The following ARHGAP39 variants were observed in gnomAD, a reference collection of about 807,000 sequenced individuals.
ARHGAP39 encodes the protein Rho GTPase activating protein 39, also known as rho GTPase-activating protein 39.
Under a neutral mutation model 106.9 loss-of-function variants are expected in ARHGAP39, and 44 were observed. That is an observed-to-expected ratio of 0.41 (90% CI 0.32 to 0.53). The LOEUF (loss-of-function observed/expected upper bound fraction) is 0.53. Ranked by LOEUF, ARHGAP39 falls within the 20% of genes least tolerant of loss-of-function variation. ARHGAP39 has a pLI of 0.21. For missense variants in ARHGAP39, 1,496 were observed against 1,577.3 expected (o/e 0.95, Z 0.87); for synonymous variants, 768 against 693.2 (o/e 1.11, Z -1.69).
rs887565185 is a variant in ARHGAP39, at chr8:144,647,171, G to A, written c.-82+38515C>T. Among the ~76,000 whole-genome samples, 1 of 152,042 alleles carries A rather than the reference G, an allele frequency of 6.6e-6. No individual in the cohort carries two copies. On this transcript the variant is annotated intron_variant, in intron 1 of 11. Transcript: ENST00000377307. The surrounding 1 kb of genome is among the most constrained non-coding windows in gnomAD (Gnocchi z 4.8). ...TTTCGTAGAGACGGGGTTTCACCAT[G>A]TTAGCCAGGATGGTCTTGATCTCTT...
At chr8:144,659,788 T>C (rs974665535) in intron 1 of ARHGAP39, among the ~76,000 whole-genome samples, 1 of 152,178 alleles carries the variant, frequency 6.6e-6, no homozygotes, top group Non-Finnish European at 1.5e-5. Flanking sequence ...TCTCTGGCTG[T>C]CTTGAGGGGT....
intron 1 of ARHGAP39, among the ~76,000 whole-genome samples, chr8:144,642,349 T>C (rs1821333124): frequency 6.6e-6 from 1 of 152,050 alleles, no homozygotes; most frequent in East Asian, 1.9e-4. Flanking sequence ...TAGCCAGGCA[T>C]GGTGGCGGGC....
chr8:144,695,620 G>A, the ARHGAP39 span, among the ~76,000 whole-genome samples: 3,818 of 152,230 alleles, frequency 0.025, 436 homozygotes, highest in East Asian at 0.36. Context: ...AAGTTCTCTC[G>A]GCCTTGAAGA....
At chr8:144,550,766 G>A (rs1161104680) in intron 4 of ARHGAP39, among the ~76,000 whole-genome samples, 1 of 152,362 alleles carries the variant, frequency 6.6e-6, no homozygotes, top group Middle Eastern at 3.4e-3. Context: ...CAGGCAGAGT[G>A]GATGGTGGCA....
At chr8:144,605,449 C>A in intron 2 of ARHGAP39, 86 bp downstream of exon 2, 1 of 1,390,268 alleles carries the variant, frequency 7.2e-7, no homozygotes, top group Non-Finnish European at 1.0e-6. Context: ...GAGAATCCTG[C>A]ATGCACACTG....
At chr8:144,589,758 C>T (rs1819321291) in intron 2 of ARHGAP39, among the ~76,000 whole-genome samples, 1 of 152,236 alleles carries the variant, frequency 6.6e-6, no homozygotes, top group African/African-American at 2.4e-5. Context: ...GCTCGGAGGC[C>T]TCCCACGACT....
chr8:144,699,677 G>A, the ARHGAP39 span, among the ~76,000 whole-genome samples: 1 of 151,300 alleles, frequency 6.6e-6, no homozygotes, highest in East Asian at 2.0e-4. Flanking sequence ...GACAGTCTGC[G>A]GACCATGCGG....
chr8:144,543,242 G>A (rs1245728730), intron 6 of ARHGAP39, among the ~76,000 whole-genome samples: 1 of 152,146 alleles, frequency 6.6e-6, no homozygotes, highest in Non-Finnish European at 1.5e-5. Flanking sequence ...CAGAGTGCTG[G>A]GATTCCAGGT....
intron 3 of ARHGAP39, among the ~76,000 whole-genome samples, chr8:144,574,523 A>G (rs1205917105): frequency 6.6e-6 from 1 of 152,010 alleles, no homozygotes; most frequent in African/African-American, 2.4e-5. Flanking sequence ...ACAAAAACAA[A>G]ATTAGCTGGG....
intron 1 of ARHGAP39, among the ~76,000 whole-genome samples, chr8:144,666,142 T>C (rs764175438): frequency 6.6e-6 from 1 of 152,208 alleles, no homozygotes; most frequent in African/African-American, 2.4e-5. Context: ...GATTTTGAAC[T>C]TGCAAGGGGC....
intron 1 of ARHGAP39, among the ~76,000 whole-genome samples, chr8:144,665,113 A>G (rs182281145): frequency 6.6e-6 from 1 of 152,364 alleles, no homozygotes; most frequent in East Asian, 1.9e-4. Context: ...GAACTGGAGC[A>G]AAGATGACTC....
intron 3 of ARHGAP39, among the ~76,000 whole-genome samples, chr8:144,560,993 T>C (rs139057562): frequency 8.5e-5 from 13 of 152,384 alleles, no homozygotes; most frequent in Admixed American, 3.9e-4. Flanking sequence ...ATTAATTACA[T>C]TGTGTTGATT....
intron 1 of ARHGAP39, among the ~76,000 whole-genome samples, chr8:144,618,888 G>A (rs1820709854): frequency 6.6e-6 from 1 of 152,242 alleles, no homozygotes; most frequent in Non-Finnish European, 1.5e-5. Context: ...GCACAGTTGC[G>A]CACTGGTGAC....
rs766369631 is a variant in ARHGAP39 at position 144,532,311 on chromosome 8, C to T, written c.2974G>A (p.Val992Ile). The T allele has an allele frequency of 2.5e-5, 41 of 1,612,608 alleles. No homozygotes were observed. Among genetic ancestry groups the T allele is most frequent in the African/African-American group, 4.0e-5 (3 of 74,856 alleles). ...GCGTGTGTGGGGGACTCACCAGGGACGTGGGGGTCTTCCAGGCCTGTGGGC... is the reference window on the plus strand; with the variant it reads ...GCGTGTGTGGGGGACTCACCAGGGATGTGGGGGTCTTCCAGGCCTGTGGGC... ...KVPTGLEDPH[V>I]PASLLKLWYR... Residue 992 changes from valine to isoleucine, a missense_variant, in exon 10 of 12, where the codon GTC (valine) becomes ATC (isoleucine). By Grantham distance (29) the Val-to-Ile change is conservative. This residue lies in a region of ARHGAP39 where 470 missense variants were observed against 605.1 expected (regional missense o/e 0.78). Coordinates refer to ENST00000377307, the MANE Select transcript of ARHGAP39 (RefSeq NM_025251.3).
chr8:144,620,878 A>C (rs1031671697), intron 1 of ARHGAP39, among the ~76,000 whole-genome samples: 19 of 152,360 alleles, frequency 1.2e-4, no homozygotes, highest in African/African-American at 4.3e-4. Flanking sequence ...CAAGCTCCTG[A>C]GGTGGCCACT....
intron 2 of ARHGAP39, among the ~76,000 whole-genome samples, chr8:144,603,007 G>A (rs1410674766): frequency 1.4e-5 from 2 of 143,228 alleles, no homozygotes; most frequent in Non-Finnish European, 3.0e-5. Flanking sequence ...GTGGAGGTGT[G>A]TGTGCGAGCT....
chr8:144,581,164 C>T lies in ARHGAP39; in HGVS notation c.194G>A (p.Ser65Asn). ...GAACAGCTCCCACCACTGGTTCTCG[C>T]TGGTGCGCTTGATGCGGACGCCGGC... ...PPAGVRIKRT[S>N]ENQWWELFDP... Residue 65 changes from serine to asparagine, a missense_variant, in exon 3 of 12, where the codon AGC becomes AAC. Coordinates refer to ENST00000377307, the MANE Select transcript of ARHGAP39 (RefSeq NM_025251.3). The T allele has an allele frequency of 6.4e-7, 1 of 1,572,518 alleles. No individual in the cohort carries two copies. The highest frequency in any genetic ancestry group is 8.6e-7 in the Non-Finnish European group (1 of 1,159,514).
chr8:144,624,122 G>GC (rs1820877523), intron 1 of ARHGAP39, among the ~76,000 whole-genome samples: 1 of 152,130 alleles, frequency 6.6e-6, no homozygotes, highest in East Asian at 1.9e-4. Context: ...GCTTCCTTAC[G>GC]CTCGTGCTAA....
rs377643054 is a variant in ARHGAP39 at position 144,536,828 on chromosome 8, A to G, written c.2614+893T>C. On this transcript the variant is annotated intron_variant, in intron 7 of 11. Transcript: ENST00000377307. The stretch of plus-strand genomic sequence containing the variant: ...CCAGAGTTGGCCCTAAGCAAACCTC[A>G]TCCACAGAAAGCTCGCTGGCACTGT... 3.9e-5 allele frequency among the ~76,000 whole-genome samples: 6 copies of G among 152,226 alleles called. No individual in the cohort carries two copies. The East Asian group carries it at 1.2e-3, about 29-fold the overall frequency.
Sources: allele counts gnomAD v4.1 joint callset (sites outside exome capture counted in the v4.1 genomes callset), GRCh38; gene constraint gnomAD v4.1.1; regional missense constraint gnomAD v4.1.1; non-coding constraint Gnocchi (gnomAD v3.1); transcripts MANE v1.5; gene names NCBI Gene and HGNC (gene_info 2026-07-23, HGNC 2026-07-21).